Variants in CADPS2 observed in about 807,000 individuals in gnomAD.
CADPS2 encodes the protein calcium dependent secretion activator 2.
CADPS2 carries 93 observed loss-of-function variants against 172.5 expected under a neutral mutation model. The ratio of observed to expected loss-of-function variants is 0.54; its 90% CI spans 0.46 to 0.64. The LOEUF is 0.64. Ranked by LOEUF, CADPS2 falls within the 30% of genes least tolerant of loss-of-function variation. The pLI, the probability that CADPS2 is intolerant of heterozygous loss-of-function variation, is 0.00. For missense variants in CADPS2, 1,420 were observed against 1,565.9 expected (o/e 0.91, Z 1.57); for synonymous variants, 546 against 555.2 (o/e 0.98, Z 0.23).
intron 1 of CADPS2, among the ~76,000 whole-genome samples, chr7:122,836,390 G>C (rs1050868192): frequency 3.3e-5 from 5 of 151,656 alleles, no homozygotes; most frequent in African/African-American, 1.2e-4. Flanking sequence ...AAAATAGCCA[G>C]CTAACATCAT....
At chr7:122,568,379 G>A (rs1022460433) in intron 7 of CADPS2, among the ~76,000 whole-genome samples, 5 of 152,092 alleles carry the variant, frequency 3.3e-5, no homozygotes, top group East Asian at 1.9e-4. Context: ...GAAGGAAATC[G>A]TAATCCCATC....
intron 17 of CADPS2, among the ~76,000 whole-genome samples, chr7:122,416,626 A>C (rs534694030): frequency 1.4e-4 from 22 of 152,300 alleles, no homozygotes; most frequent in African/African-American, 5.1e-4. Context: ...TGTTGATCTT[A>C]AATTCAAGAA....
intron 1 of CADPS2, among the ~76,000 whole-genome samples, chr7:122,838,617 A>G (rs1809341765): frequency 6.6e-6 from 1 of 152,202 alleles, no homozygotes; most frequent in Non-Finnish European, 1.5e-5. Flanking sequence ...AATCACAAGC[A>G]TTCTTATAAA....
At chr7:122,832,003 A>T (rs902983485) in intron 1 of CADPS2, among the ~76,000 whole-genome samples, 1 of 152,208 alleles carries the variant, frequency 6.6e-6, no homozygotes, top group East Asian at 1.9e-4. Context: ...CTCTCACTTT[A>T]GGTGTATAGT....
chr7:122,386,870 G>T, intron 24 of CADPS2, 156 bp downstream of exon 24: 1 of 705,236 alleles, frequency 1.4e-6, no homozygotes. Context: ...CATGAGCAAA[G>T]GATAAAGGGC....
At chr7:122,759,021 G>A (rs1562950242) in intron 1 of CADPS2, among the ~76,000 whole-genome samples, 1 of 151,558 alleles carries the variant, frequency 6.6e-6, no homozygotes, top group Non-Finnish European at 1.5e-5. Flanking sequence ...AAAATTAAAG[G>A]TCCTTAAAGG....
intron 28 of CADPS2, among the ~76,000 whole-genome samples, chr7:122,339,608 C>T (rs796213285): frequency 5.3e-5 from 8 of 152,244 alleles, no homozygotes; most frequent in African/African-American, 1.7e-4. Context: ...CCGGGCAGGC[C>T]GGGCATGGTG....
chr7:122,840,221 T>A (rs185048416), intron 1 of CADPS2, among the ~76,000 whole-genome samples: 4 of 151,950 alleles, frequency 2.6e-5, no homozygotes, highest in South Asian at 2.1e-4. Context: ...TAGGTGGGAA[T>A]TGAACAGTGA....
chr7:122,632,842 G>A (rs1043731760), intron 3 of CADPS2, among the ~76,000 whole-genome samples: 2 of 152,160 alleles, frequency 1.3e-5, no homozygotes, highest in Non-Finnish European at 2.9e-5. Flanking sequence ...TTACATTTAA[G>A]TCGTTAATCC....
intron 1 of CADPS2, among the ~76,000 whole-genome samples, chr7:122,781,135 T>C (rs546970644): frequency 6.6e-6 from 1 of 152,320 alleles, no homozygotes; most frequent in Non-Finnish European, 1.5e-5. Context: ...GAAAGTAACC[T>C]TTGTTGTTAC....
chr7:122,692,814 ACAGCTCTCAC>A (rs1259674769), intron 2 of CADPS2, among the ~76,000 whole-genome samples: 311 of 152,356 alleles, frequency 2.0e-3, no homozygotes, highest in African/African-American at 6.7e-3. Context: ...TTTCCCATCC[ACAGCTCTCAC>A]GCACTGTTCT....
chr7:122,456,214 TATAA>T (rs1011211509), intron 14 of CADPS2, among the ~76,000 whole-genome samples: 3 of 152,042 alleles, frequency 2.0e-5, no homozygotes, highest in African/African-American at 7.2e-5. Context: ...TCTCCTTAGA[TATAA>T]ATAAACATAA....
chr7:122,575,360 T>A (rs2132655388), intron 7 of CADPS2, among the ~76,000 whole-genome samples: 1 of 152,136 alleles, frequency 6.6e-6, no homozygotes, highest in South Asian at 2.1e-4. Context: ...TGAATCAATA[T>A]TAAATTTCTT....
chr7:122,589,856 T>C (rs2070466084), intron 6 of CADPS2, among the ~76,000 whole-genome samples: 1 of 151,908 alleles, frequency 6.6e-6, no homozygotes, highest in Admixed American at 6.6e-5. Flanking sequence ...ATCTCTATGC[T>C]TATGTGTGTA....
chr7:122,594,343 T>C (rs1449723893), intron 6 of CADPS2, among the ~76,000 whole-genome samples: 2 of 148,726 alleles, frequency 1.3e-5, no homozygotes, highest in African/African-American at 2.5e-5. Flanking sequence ...CAGAAAAATA[T>C]TGGGAAATGG....
rs2086421636 is a variant in CADPS2 at position 122,703,046 on chromosome 7, AT to A, written c.453+33908del. 1.4e-4 allele frequency: 40 copies of A among 295,470 alleles called. No individual in the cohort carries two copies. The South Asian group carries it at 2.7e-3, about 20-fold the overall frequency. 18.3% of individuals were successfully genotyped at this position (295,470 alleles called of 1,614,324 possible). On this transcript the variant is annotated intron_variant, in intron 2 of 29. Coordinates refer to ENST00000449022, the MANE Select transcript of CADPS2 (RefSeq NM_017954.11). ...GGTAGTTAAACCAATCCAAGAGTTT[AT>A]ATTAGTGCATTGCATCCTGAAATCC...
At chr7:122,471,924 A>T (rs928830626) in intron 13 of CADPS2, among the ~76,000 whole-genome samples, 1 of 152,204 alleles carries the variant, frequency 6.6e-6, no homozygotes, top group African/African-American at 2.4e-5. Flanking sequence ...GACATTATAG[A>T]TGAAATTTCC....
chr7:122,449,632 C>T (rs1043640241), intron 15 of CADPS2, among the ~76,000 whole-genome samples: 1 of 152,136 alleles, frequency 6.6e-6, no homozygotes, highest in Non-Finnish European at 1.5e-5. Flanking sequence ...CTTTCAACAA[C>T]AGCAAATGCA....
chr7:122,658,725 G>C (rs574278751), intron 3 of CADPS2, among the ~76,000 whole-genome samples: 4 of 152,174 alleles, frequency 2.6e-5, no homozygotes, highest in Non-Finnish European at 5.9e-5. Flanking sequence ...AAACACACTG[G>C]GCCCTTTGTG....
Sources: gnomAD v4.1 joint callset for allele counts (sites outside exome capture counted in the v4.1 genomes callset) on GRCh38, gnomAD v4.1.1 for gene constraint, MANE v1.5 for transcripts, NCBI Gene and HGNC (gene_info 2026-07-23, HGNC 2026-07-21) for gene names.